SCUBE1: variants seen among roughly 807,000 people sequenced by gnomAD.
The protein encoded by SCUBE1 is signal peptide, CUB domain and EGF like domain containing 1.
In SCUBE1, 59 loss-of-function variants were observed where a neutral mutation model predicts 124.4. The ratio of observed to expected loss-of-function variants is 0.47; its 90% CI spans 0.38 to 0.59. The LOEUF (loss-of-function observed/expected upper bound fraction) is 0.59. SCUBE1 is among the 20% of genes least tolerant of loss of function. The probability of loss-of-function intolerance (pLI) is 0.00; values close to 1 mark genes in which losing one functional copy is unlikely to be tolerated. For synonymous variants in SCUBE1, 545 were observed against 550.9 expected, an observed-to-expected ratio of 0.99 and a Z score of 0.15; for missense variants, 1,150 against 1,371.2, an observed-to-expected ratio of 0.84 and a Z score of 2.55.
At chr22:43,230,597 AG>A (rs1472801404) in intron 8 of SCUBE1, among the ~76,000 whole-genome samples, 1 of 152,220 alleles carries the variant, frequency 6.6e-6, no homozygotes, top group Non-Finnish European at 1.5e-5. Context: ...CAAGGCCAAC[AG>A]AGAAACAAAG....
At chr22:43,229,324 C>T in intron 8 of SCUBE1, 136 bp from the exon 9 acceptor site, 2 of 674,414 alleles carry the variant, frequency 3.0e-6, no homozygotes, top group Non-Finnish European at 5.4e-6. Flanking sequence ...ACAGCACCGA[C>T]CCACAGGAAA....
chr22:43,250,328 T>C (rs749141169), intron 6 of SCUBE1, among the ~76,000 whole-genome samples: 93 of 152,198 alleles, frequency 6.1e-4, no homozygotes, highest in Non-Finnish European at 9.8e-4. Context: ...TCCCAGGCTT[T>C]GTCTGGCACT....
intron 4 of SCUBE1, among the ~76,000 whole-genome samples, chr22:43,264,403 T>C (rs1923984705): frequency 6.6e-6 from 1 of 152,182 alleles, no homozygotes; most frequent in African/African-American, 2.4e-5. Flanking sequence ...CACTGGCTCT[T>C]GAGGCCGGTG....
intron 3 of SCUBE1, among the ~76,000 whole-genome samples, chr22:43,313,700 G>A (rs1243628388): frequency 6.6e-6 from 1 of 152,184 alleles, no homozygotes; most frequent in African/African-American, 2.4e-5. Context: ...CAATAAAGAT[G>A]TCAAATAGAG....
chr22:43,221,679 C>T (rs940661431), intron 12 of SCUBE1, among the ~76,000 whole-genome samples: 1 of 152,236 alleles, frequency 6.6e-6, no homozygotes, highest in African/African-American at 2.4e-5. Context: ...AGATCCAGGA[C>T]TGCCGGTTCC....
chr22:43,244,977 G>C (rs945749003), intron 6 of SCUBE1, among the ~76,000 whole-genome samples: 9 of 152,196 alleles, frequency 5.9e-5, no homozygotes, highest in Non-Finnish European at 4.4e-5. Flanking sequence ...GGATTGGCCG[G>C]CCCTTCCGGC....
chr22:43,322,668 T>G (rs1362277381), intron 2 of SCUBE1, among the ~76,000 whole-genome samples: 1 of 152,030 alleles, frequency 6.6e-6, no homozygotes, highest in Non-Finnish European at 1.5e-5. Context: ...TTCAAGCAGG[T>G]GATTCAGGGG....
At chr22:43,338,031 T>C (rs1199802869) in intron 2 of SCUBE1, among the ~76,000 whole-genome samples, 1 of 152,134 alleles carries the variant, frequency 6.6e-6, no homozygotes, top group Non-Finnish European at 1.5e-5. Context: ...ATTTATACGA[T>C]GGGTGCAGAC....
At chr22:43,237,107 T>TGG (rs983592680) in intron 7 of SCUBE1, among the ~76,000 whole-genome samples, 3 of 25,860 alleles carry the variant, frequency 1.2e-4, no homozygotes, top group East Asian at 1.3e-3. Context: ...TGTGGTGGGG[T>TGG]GGGGGGGGTT....
chr22:43,291,702 A>G (rs566048941), intron 3 of SCUBE1, among the ~76,000 whole-genome samples: 31 of 152,154 alleles, frequency 2.0e-4, no homozygotes, highest in Non-Finnish European at 4.4e-4. Flanking sequence ...TACTCCCGAG[A>G]GCAAGTCCTG....
chr22:43,334,161 C>A (rs1021970663), intron 2 of SCUBE1, among the ~76,000 whole-genome samples: 1 of 152,162 alleles, frequency 6.6e-6, no homozygotes, highest in African/African-American at 2.4e-5. Context: ...TCATCTACTG[C>A]AAAAATGACT....
intron 7 of SCUBE1, among the ~76,000 whole-genome samples, chr22:43,237,016 C>T (rs990170478): frequency 5.4e-5 from 8 of 149,390 alleles, no homozygotes; most frequent in Non-Finnish European, 8.9e-5. Flanking sequence ...CAGGGCTGGG[C>T]GTCCATGGAG....
chr22:43,225,810 C>A (rs1049638030), intron 10 of SCUBE1, among the ~76,000 whole-genome samples: 1 of 152,012 alleles, frequency 6.6e-6, no homozygotes, highest in Non-Finnish European at 1.5e-5. Flanking sequence ...AGAGCAATGA[C>A]CCCCTAACAC....
At chr22:43,317,586 A>T (rs1601886381) in intron 3 of SCUBE1, among the ~76,000 whole-genome samples, 1 of 152,204 alleles carries the variant, frequency 6.6e-6, no homozygotes, top group South Asian at 2.1e-4. Context: ...ATCCATGCCC[A>T]TATCCCCTGG....
intron 1 of SCUBE1, among the ~76,000 whole-genome samples, chr22:43,342,206 C>T (rs1045890024): frequency 6.0e-5 from 8 of 133,538 alleles, no homozygotes; most frequent in Non-Finnish European, 1.2e-4. Flanking sequence ...GAGAATGTGA[C>T]TCCAGCTTTT....
intron 15 of SCUBE1, 80 bp downstream of exon 15, chr22:43,218,175 C>T (rs1031547012): frequency 2.1e-5 from 29 of 1,389,034 alleles, no homozygotes; most frequent in Non-Finnish European, 2.7e-5. Context: ...GTCTCACCTG[C>T]GTGCCCACCA....
At chr22:43,284,009 C>G (rs1044509876) in intron 4 of SCUBE1, among the ~76,000 whole-genome samples, 2 of 152,200 alleles carry the variant, frequency 1.3e-5, no homozygotes, top group Non-Finnish European at 2.9e-5. Flanking sequence ...CCCATGAGGC[C>G]GGCAGCTGCT....
chr22:43,295,395 T>C (rs1467002273), intron 3 of SCUBE1, among the ~76,000 whole-genome samples: 1 of 152,230 alleles, frequency 6.6e-6, no homozygotes, highest in African/African-American at 2.4e-5. Context: ...TTTATATCCT[T>C]GCTCCTAGCA....
chr22:43,218,050 C>T (rs564277794), intron 15 of SCUBE1, among the ~76,000 whole-genome samples: 1 of 152,320 alleles, frequency 6.6e-6, no homozygotes, highest in South Asian at 2.1e-4. Context: ...ACTGTGATCA[C>T]ATGCCCGAGG....
Sources: gnomAD v4.1 joint callset for allele counts (sites outside exome capture counted in the v4.1 genomes callset) on GRCh38, gnomAD v4.1.1 for gene constraint, MANE v1.5 for transcripts, NCBI Gene and HGNC (gene_info 2026-07-23, HGNC 2026-07-21) for gene names.